MMRN2: variants seen among roughly 807,000 people sequenced by gnomAD.
MMRN2 encodes multimerin-2.
In MMRN2, 53 loss-of-function variants were observed where a neutral mutation model predicts 68.8. That is an observed-to-expected ratio of 0.77 (90% CI 0.62 to 0.97). The LOEUF is 0.97. Ranked by LOEUF, MMRN2 falls within the 50% of genes least tolerant of loss-of-function variation. The pLI, the probability that MMRN2 is intolerant of heterozygous loss-of-function variation, is 0.00. For missense variants in MMRN2, 1,266 were observed against 1,259.5 expected (o/e 1.01, Z -0.08); for synonymous variants, 564 against 551.6 (o/e 1.02, Z -0.32).
intron 1 of MMRN2, 85 bp downstream of exon 1, chr10:86,957,293 A>C: frequency 7.2e-7 from 1 of 1,397,990 alleles, no homozygotes; most frequent in Non-Finnish European, 1.0e-6. Flanking sequence ...ATGGGACCCC[A>C]GTGAGGTCTA....
chr10:86,952,481 A>G (rs766047086), intron 1 of MMRN2, among the ~76,000 whole-genome samples: 9 of 152,204 alleles, frequency 5.9e-5, no homozygotes, highest in Non-Finnish European at 1.3e-4. Flanking sequence ...ATAAAGAGAA[A>G]GAGTTCAAAG....
intron 6 of MMRN2, among the ~76,000 whole-genome samples, chr10:86,940,385 C>A (rs1294191043): frequency 1.3e-5 from 2 of 152,100 alleles, no homozygotes; most frequent in Non-Finnish European, 2.9e-5. Flanking sequence ...AACCGTGGGG[C>A]AAATTCTGAA....
At position 86,957,481 on chromosome 10, in the gene MMRN2, A is replaced by G. The variant is rs768776155; in HGVS notation, c.61T>C (p.Trp21Arg). Residue 21 changes from tryptophan (W) to arginine (R), a missense_variant, in exon 1 of 7, where the codon TGG becomes CGG. Trp to Arg is a moderately radical substitution (Grantham distance 101). Transcript: ENST00000372027. ...AGGCTAGTACTGGAAGCCTGGGCCCATGCCCCCAGCAGCCCCCAGCCCAGG... is the reference window on the plus strand; with the variant it reads ...AGGCTAGTACTGGAAGCCTGGGCCCGTGCCCCCAGCAGCCCCCAGCCCAGG... The part of the protein sequence containing the change: ...GPLGWGLLGA[W>R]AQASSTSLSD... The G allele has an allele frequency of 3.7e-6, 6 of 1,613,258 alleles. No homozygotes were observed. The highest frequency in any genetic ancestry group is 5.1e-6 in the Non-Finnish European group (6 of 1,179,936).
At chr10:86,953,370 G>A (rs950814675) in intron 1 of MMRN2, among the ~76,000 whole-genome samples, 4 of 152,156 alleles carry the variant, frequency 2.6e-5, no homozygotes, top group African/African-American at 9.7e-5. Context: ...GTAAAGACAG[G>A]TGTAAGAAAT....
intron 1 of MMRN2, among the ~76,000 whole-genome samples, chr10:86,953,632 C>T (rs1417442426): frequency 6.6e-6 from 1 of 152,132 alleles, no homozygotes; most frequent in East Asian, 1.9e-4. Flanking sequence ...ATGGGTGGGG[C>T]CCAAAGATGC....
chr10:86,939,991 C>T (rs1336279934), intron 6 of MMRN2, among the ~76,000 whole-genome samples: 1 of 150,688 alleles, frequency 6.6e-6, no homozygotes, highest in Admixed American at 6.6e-5. Flanking sequence ...GTTGGGATTA[C>T]AGGTGCCTGC....
chr10:86,946,753 C>T (rs569258206), intron 1 of MMRN2, among the ~76,000 whole-genome samples: 2 of 152,302 alleles, frequency 1.3e-5, no homozygotes, highest in South Asian at 4.2e-4. Context: ...CAGCTCAGCA[C>T]CTCTTGGGTG....
At position 86,942,470 on chromosome 10, in the gene MMRN2, T is replaced by A. The variant is rs778341435; in HGVS notation, c.2314A>T (p.Lys772Ter). The stretch of plus-strand genomic sequence containing the variant: ...TTCCTGCTCAGCATGGTCTGCAGCT[T>A]CCCCAGGTCCAGGCTGACGTTGGCT... Reference protein sequence around the residue: ...MEANVSLDLGKLQTMLSRKGK... With the variant: ...MEANVSLDLG The change falls in exon 6 of 7, where the codon AAG becomes TAG. Residue 772 changes from lysine (K) to a stop codon, truncating the protein, a stop_gained. Coordinates refer to ENST00000372027, the MANE Select transcript of MMRN2 (RefSeq NM_024756.3). LOFTEE classifies it high-confidence loss of function. The A allele has an allele frequency of 1.9e-6, 3 of 1,614,138 alleles. No individual in the cohort carries two copies. The highest frequency in any genetic ancestry group is 2.5e-6 in the Non-Finnish European group (3 of 1,180,022).
intron 1 of MMRN2, among the ~76,000 whole-genome samples, chr10:86,947,971 C>T (rs959146831): frequency 6.6e-6 from 1 of 152,078 alleles, no homozygotes; most frequent in African/African-American, 2.4e-5. Context: ...CAGTGGCGCA[C>T]GCCTGTAACC....
In MMRN2 at chr10:86,943,689, C is replaced by G; in HGVS notation, c.1095G>C (p.Glu365Asp). The change falls in exon 6 of 7, where the codon GAG (glutamate) becomes GAC (aspartate). Residue 365 changes from glutamate to aspartate, a missense_variant. By Grantham distance (45) the Glu-to-Asp change is conservative. Transcript: ENST00000372027. The surrounding 1 kb of genome is among the most constrained non-coding windows in gnomAD (Gnocchi z 4.2). ...LATPGAGARP[E>D]PDSLQARLGQ... ...CCAGCCTGGCCTGCAGGCTGTCCGG[C>G]TCAGGCCTTGCCCCAGCCCCAGGCG... 6.2e-7 allele frequency: 1 copy of G among 1,610,740 alleles called. No individual in the cohort carries two copies. Among genetic ancestry groups the G allele is most frequent in the Non-Finnish European group, 8.5e-7 (1 of 1,180,006 alleles).
At position 86,935,953 on chromosome 10, in the gene MMRN2, G is replaced by T. The variant is rs1000997324; in HGVS notation, c.*790C>A. The T allele has an allele frequency of 6.5e-6, 1 of 152,674 alleles. No homozygotes were observed. Among genetic ancestry groups the T allele is most frequent in the African/African-American group, 2.4e-5 (1 of 41,450 alleles). 9.5% of individuals were successfully genotyped at this position (152,674 alleles called of 1,614,324 possible). On this transcript the variant is annotated 3_prime_UTR_variant, in exon 7 of 7. Coordinates refer to ENST00000372027, the MANE Select transcript of MMRN2 (RefSeq NM_024756.3). ...AGGAACCAAGGCATCTTCACAAGGT[G>T]GCAGGAAGGAGAATGAACACAGGAG...
Position 86,945,411 on chromosome 10 carries a change from C to T in MMRN2, c.359G>A (p.Arg120Lys). ...KQKVLTSLAWRCCPGYTGPNC... is the reference protein window; with the variant it reads ...KQKVLTSLAWKCCPGYTGPNC... ...GGGGCCCGTGTAGCCAGGGCAGCACCTCCAGGCCAAAGAGGTCAGCACCTT... is the reference window on the plus strand; with the variant it reads ...GGGGCCCGTGTAGCCAGGGCAGCACTTCCAGGCCAAAGAGGTCAGCACCTT... Residue 120 changes from arginine to lysine, a missense_variant, in exon 3 of 7, where the codon AGG becomes AAG. Physicochemically the swap from Arg to Lys is conservative, Grantham distance 26. Transcript: ENST00000372027. The T allele has an allele frequency of 6.3e-7, 1 of 1,581,600 alleles. No individual in the cohort carries two copies.
At chr10:86,949,907 A>ATAATAATAC (rs1844124353) in intron 1 of MMRN2, 1 of 148,454 alleles carries the variant, frequency 6.7e-6, no homozygotes, top group Non-Finnish European at 1.5e-5. Context: ...AATAATAATA[A>ATAATAATAC]TAATAATAGT....
chr10:86,939,839 T>TTG (rs1179394300), intron 6 of MMRN2, among the ~76,000 whole-genome samples: 398 of 120,344 alleles, frequency 3.3e-3, no homozygotes, highest in African/African-American at 7.4e-3. Flanking sequence ...GTGTGTGTGT[T>TTG]TGTGTGTGTG....
At position 86,957,368 on chromosome 10, in the gene MMRN2, G is replaced by A. The variant is rs1224947277; in HGVS notation, c.164+10C>T. ...CTCCATGACCTCTGCCAAGGTCCAGGCCCTCTTACCGTCCTACGGGGTCCT... is the reference window on the plus strand; with the variant it reads ...CTCCATGACCTCTGCCAAGGTCCAGACCCTCTTACCGTCCTACGGGGTCCT... On this transcript the variant is annotated intron_variant, in intron 1 of 6. Coordinates refer to ENST00000372027, the MANE Select transcript of MMRN2 (RefSeq NM_024756.3). 6.8e-6 allele frequency: 11 copies of A among 1,612,392 alleles called. No individual in the cohort carries two copies. The highest frequency in any genetic ancestry group is 9.3e-6 in the Non-Finnish European group (11 of 1,179,722).
In MMRN2 at chr10:86,942,902, C is replaced by T; in HGVS notation, c.1882G>A (p.Gly628Arg). The T allele has an allele frequency of 6.8e-7, 1 of 1,470,290 alleles. No homozygotes were observed. The allele number at this position is 1,470,290 out of a possible 1,614,324, so 91.1% of individuals were successfully genotyped here. ...VLEEMSEQTP[G>R]PLPLSYEQIR... Reference sequence around the variant, plus strand: ...TGCTCGTAGCTCAGGGGCAGCGGTCCCGGCGTCTGCTCAGACATCTCCTCC... The same window carrying T: ...TGCTCGTAGCTCAGGGGCAGCGGTCTCGGCGTCTGCTCAGACATCTCCTCC... The change falls in exon 6 of 7, where the codon GGA becomes AGA. Residue 628 changes from glycine to arginine, a missense_variant. By Grantham distance (125) the Gly-to-Arg change is moderately radical. Coordinates refer to ENST00000372027, the MANE Select transcript of MMRN2 (RefSeq NM_024756.3).
intron 2 of MMRN2, 21 bp from the exon 3 acceptor site, chr10:86,945,497 G>A (rs1422149872): frequency 5.8e-6 from 9 of 1,556,712 alleles, no homozygotes; most frequent in Middle Eastern, 3.3e-4. Flanking sequence ...AGAAGGGCTG[G>A]CTCAGTGATT....
chr10:86,939,678 C>CA (rs971830277), intron 6 of MMRN2, among the ~76,000 whole-genome samples: 8 of 150,346 alleles, frequency 5.3e-5, no homozygotes, highest in African/African-American at 1.9e-4. Flanking sequence ...GACCCCCACC[C>CA]CAACCCAGCC....
Position 86,939,829 on chromosome 10 carries a change from G to GTT in MMRN2, c.2467+2487_2467+2488insAA, listed in dbSNP as rs1448184418. 5.6e-3 allele frequency among the ~76,000 whole-genome samples: 758 copies of GTT among 136,194 alleles called. 10 individuals are homozygous for GTT. The highest frequency in any genetic ancestry group is 0.02 in the African/African-American group (724 of 36,410). 89.3% of individuals were successfully genotyped at this position (136,194 alleles called of 152,430 possible). A position where few individuals can be genotyped will look rare whatever the true frequency, so the allele number is the denominator to read the frequency against. On this transcript the variant is annotated intron_variant, in intron 6 of 6. Transcript: ENST00000372027. ...GGGGTGTGTGTGTGTGTGTGTGTGT[G>GTT]TGTGTGTGTTTGTGTGTGTGTGTGT... is the stretch of plus-strand genomic sequence containing the variant.
Sources: gnomAD v4.1 joint callset for allele counts (sites outside exome capture counted in the v4.1 genomes callset) on GRCh38, gnomAD v4.1.1 for gene constraint, Gnocchi (gnomAD v3.1) non-coding constraint, MANE v1.5 for transcripts, NCBI Gene and HGNC (gene_info 2026-07-23, HGNC 2026-07-21) for gene names.